The following SIPA1L2 variants were observed in gnomAD, a reference collection of about 807,000 sequenced individuals.
SIPA1L2 encodes signal induced proliferation associated 1 like 2.
Under a neutral mutation model 163.9 loss-of-function variants are expected in SIPA1L2, and 56 were observed. The observed-to-expected ratio is 0.34, with a 90% confidence interval of 0.28 to 0.43. SIPA1L2 has a LOEUF of 0.43. SIPA1L2 is among the 20% of genes least tolerant of loss of function. SIPA1L2 has a pLI of 1.00. For synonymous variants in SIPA1L2, 877 were observed against 865.7 expected, an observed-to-expected ratio of 1.01 and a Z score of -0.23; for missense variants, 1,974 against 2,193.5, an observed-to-expected ratio of 0.90 and a Z score of 2.00.
chr1:232,436,878 T>C (rs1481258942), intron 15 of SIPA1L2, among the ~76,000 whole-genome samples: 1 of 152,210 alleles, frequency 6.6e-6, no homozygotes, highest in Non-Finnish European at 1.5e-5. Flanking sequence ...CAAGTTGAAA[T>C]GTGGCTTCAA....
intron 1 of SIPA1L2, among the ~76,000 whole-genome samples, chr1:232,578,272 A>G (rs929221510): frequency 6.6e-6 from 1 of 152,086 alleles, no homozygotes; most frequent in Non-Finnish European, 1.5e-5. Context: ...AAAAAAAAAA[A>G]TCTGTGTGAC....
intron 1 of SIPA1L2, among the ~76,000 whole-genome samples, chr1:232,596,401 C>A (rs1661256056): frequency 6.6e-6 from 1 of 152,204 alleles, no homozygotes; most frequent in African/African-American, 2.4e-5. Flanking sequence ...GCCACTGAGG[C>A]ATCGTCTGCT....
chr1:232,564,688 AAAAG>A (rs1287771673), intron 2 of SIPA1L2, among the ~76,000 whole-genome samples: 1 of 152,226 alleles, frequency 6.6e-6, no homozygotes, highest in Non-Finnish European at 1.5e-5. Flanking sequence ...TATTTATCTG[AAAAG>A]AGATTCTTAC....
intron 1 of SIPA1L2, among the ~76,000 whole-genome samples, chr1:232,628,097 C>T (rs1210723685): frequency 2.0e-5 from 3 of 152,182 alleles, no homozygotes; most frequent in African/African-American, 7.2e-5. Context: ...GACAGGCTGC[C>T]GTGATCTTGC....
Position 232,480,154 on chromosome 1 carries a change from C to CGTGTGTGTGTGT in SIPA1L2, c.1982-436_1982-425dup, listed in dbSNP as rs536840154. 5.2e-4 allele frequency among the ~76,000 whole-genome samples: 69 copies of CGTGTGTGTGTGT among 132,826 alleles called. 1 individual carries two copies. The highest frequency in any genetic ancestry group is 5.1e-4 in the South Asian group (2 of 3,948). 87.1% of individuals were successfully genotyped at this position (132,826 alleles called of 152,430 possible). On this transcript the variant is annotated intron_variant, in intron 6 of 22. Transcript: ENST00000674635. ...CTGGCCGCATCTGTGTGTGTGTGTG[C>CGTGTGTGTGTGT]GTGTGTGTGTGTGTGTGTGTGTGTG...
At chr1:232,564,176 GT>G in intron 2 of SIPA1L2, among the ~76,000 whole-genome samples, 1 of 105,796 alleles carries the variant, frequency 9.5e-6, no homozygotes. Context: ...GTGTGTGTGT[GT>G]GTGTGTGTGT....
chr1:232,466,927 T>C (rs1664550698), intron 8 of SIPA1L2, among the ~76,000 whole-genome samples: 1 of 152,216 alleles, frequency 6.6e-6, no homozygotes, highest in Non-Finnish European at 1.5e-5. Context: ...CAAGAATCTG[T>C]ATTAATCCCA....
intron 10 of SIPA1L2, among the ~76,000 whole-genome samples, chr1:232,449,017 A>T (rs776178286): frequency 1.6e-4 from 24 of 152,240 alleles, no homozygotes; most frequent in Non-Finnish European, 2.6e-4. Flanking sequence ...CAGAATGCTC[A>T]CCACCCCACA....
chr1:232,535,465 T>A (rs924486492), intron 2 of SIPA1L2, among the ~76,000 whole-genome samples: 1 of 152,136 alleles, frequency 6.6e-6, no homozygotes, highest in African/African-American at 2.4e-5. Flanking sequence ...GCAAAATGGT[T>A]TCACTACAAA....
intron 1 of SIPA1L2, among the ~76,000 whole-genome samples, chr1:232,609,833 A>T (rs1558303010): frequency 6.6e-6 from 1 of 150,854 alleles, no homozygotes; most frequent in African/African-American, 2.4e-5. Context: ...CCATCTCAAA[A>T]AAAAAAAAAA....
At chr1:232,551,964 T>C in intron 2 of SIPA1L2, among the ~76,000 whole-genome samples, 1 of 152,064 alleles carries the variant, frequency 6.6e-6, no homozygotes, top group East Asian at 1.9e-4. Flanking sequence ...CTCAGCCTCC[T>C]AAGTAGCTGA....
chr1:232,503,343 A>G (rs956497977), intron 3 of SIPA1L2, among the ~76,000 whole-genome samples: 3 of 151,964 alleles, frequency 2.0e-5, no homozygotes, highest in Non-Finnish European at 2.9e-5. Flanking sequence ...GCTCACAGGG[A>G]AAAAAAATGG....
intron 18 of SIPA1L2, among the ~76,000 whole-genome samples, chr1:232,420,578 G>T (rs1661515845): frequency 2.6e-5 from 4 of 152,204 alleles, no homozygotes; most frequent in Admixed American, 2.6e-4. Flanking sequence ...GCTCATGCCT[G>T]TAATCCCAGC....
intron 2 of SIPA1L2, among the ~76,000 whole-genome samples, chr1:232,541,196 C>T (rs756176340): frequency 2.0e-5 from 3 of 151,956 alleles, no homozygotes; most frequent in East Asian, 1.9e-4. Flanking sequence ...CTATGGCACA[C>T]GTTTACCTAT....
intron 1 of SIPA1L2, among the ~76,000 whole-genome samples, chr1:232,616,311 T>C (rs540839390): frequency 5.3e-5 from 8 of 152,316 alleles, no homozygotes; most frequent in East Asian, 3.9e-4. Flanking sequence ...AACCAAACAA[T>C]TGGCAATGCT....
chr1:232,535,651 A>G (rs985794964), intron 2 of SIPA1L2, among the ~76,000 whole-genome samples: 2 of 152,228 alleles, frequency 1.3e-5, no homozygotes, highest in African/African-American at 4.8e-5. Context: ...TAACTTGAAT[A>G]TGAATATATA....
intron 19 of SIPA1L2, 141 bp from the exon 20 acceptor site, chr1:232,404,319 T>G: frequency 1.5e-6 from 1 of 677,800 alleles, no homozygotes; most frequent in Non-Finnish European, 2.6e-6. Flanking sequence ...CAGTATCATG[T>G]AACTCCAATG....
chr1:232,462,508 T>G, intron 9 of SIPA1L2: 1 of 676,286 alleles, frequency 1.5e-6, no homozygotes, highest in Non-Finnish European at 2.3e-6. Flanking sequence ...AATCAGCTTT[T>G]CCCAGACAGG....
Position 232,598,959 on chromosome 1 carries a change from C to T in SIPA1L2, c.-318-24737G>A, listed in dbSNP as rs376410759. Reference sequence around the variant, plus strand: ...GTTACGTATGTGACAAACCCTCTACCCCTCAAAAAAAAAAAAAAAAAAAAC... The same window carrying T: ...GTTACGTATGTGACAAACCCTCTACTCCTCAAAAAAAAAAAAAAAAAAAAC... On this transcript the variant is annotated intron_variant, in intron 1 of 22. Coordinates refer to ENST00000674635, the MANE Select transcript of SIPA1L2 (RefSeq NM_020808.5). Among the ~76,000 whole-genome samples, 324 of 136,264 alleles carry T rather than the reference C, an allele frequency of 2.4e-3. 2 individuals are homozygous for T. Among genetic ancestry groups the T allele is most frequent in the African/African-American group, 7.0e-3 (265 of 38,066 alleles). The allele number at this position is 136,264 out of a possible 152,430, so 89.4% of individuals were successfully genotyped here. A position where few individuals can be genotyped will look rare whatever the true frequency, so the allele number is the denominator to read the frequency against.
Sources: allele counts gnomAD v4.1 joint callset (sites outside exome capture counted in the v4.1 genomes callset), GRCh38; gene constraint gnomAD v4.1.1; transcripts MANE v1.5; gene names NCBI Gene and HGNC (gene_info 2026-07-23, HGNC 2026-07-21).